SORCS3: variants seen among roughly 807,000 people sequenced by gnomAD.
The protein encoded by SORCS3 is sortilin related VPS10 domain containing receptor 3.
Under a neutral mutation model 146.3 loss-of-function variants are expected in SORCS3, and 57 were observed. The ratio of observed to expected loss-of-function variants is 0.39; its 90% CI spans 0.31 to 0.49. The LOEUF is 0.49. Ranked by LOEUF, SORCS3 falls within the 20% of genes least tolerant of loss-of-function variation. The probability of loss-of-function intolerance (pLI) is 0.92; values close to 1 mark genes in which losing one functional copy is unlikely to be tolerated. For missense variants in SORCS3, 1,341 were observed against 1,575.5 expected (o/e 0.85, Z 2.52); for synonymous variants, 653 against 618.5 (o/e 1.06, Z -0.83).
intron 1 of SORCS3, among the ~76,000 whole-genome samples, chr10:104,785,080 AC>A (rs759206919): frequency 0.02 from 2,468 of 122,858 alleles, 50 homozygotes; most frequent in African/African-American, 0.063. Flanking sequence ...AGGGGGGCTG[AC>A]CCCCCCCCAC....
chr10:104,814,003 A>G (rs980884420), intron 1 of SORCS3, among the ~76,000 whole-genome samples: 4 of 136,544 alleles, frequency 2.9e-5, no homozygotes, highest in Admixed American at 7.8e-5. Flanking sequence ...TTTTCCCCCT[A>G]TTCCAGAGTC....
intron 4 of SORCS3, among the ~76,000 whole-genome samples, chr10:104,984,356 T>G (rs1399855593): frequency 6.6e-6 from 1 of 152,222 alleles, no homozygotes; most frequent in African/African-American, 2.4e-5. Flanking sequence ...TATCACTTTC[T>G]GTACGATAAT....
chr10:104,748,499 G>GA (rs1216330246), intron 1 of SORCS3, among the ~76,000 whole-genome samples: 1 of 152,098 alleles, frequency 6.6e-6, no homozygotes, highest in Admixed American at 6.5e-5. Context: ...GGTATTTCAG[G>GA]AAAAAACTGA....
intron 5 of SORCS3, among the ~76,000 whole-genome samples, chr10:105,056,382 A>C (rs1364989424): frequency 6.6e-6 from 1 of 151,954 alleles, no homozygotes; most frequent in Non-Finnish European, 1.5e-5. Context: ...TTTGCCCCTC[A>C]CTCCCAGCAA....
chr10:104,865,365 G>A (rs2018448151), intron 2 of SORCS3, among the ~76,000 whole-genome samples: 1 of 152,184 alleles, frequency 6.6e-6, no homozygotes, highest in Non-Finnish European at 1.5e-5. Context: ...CTGATCCCTT[G>A]TCAATCTCTT....
intron 1 of SORCS3, among the ~76,000 whole-genome samples, chr10:104,682,160 C>G (rs17184095): frequency 0.059 from 9,006 of 152,260 alleles, 329 homozygotes; most frequent in Middle Eastern, 0.095. Context: ...CTTTCTGGTT[C>G]TCTTTTATTT....
chr10:105,120,399 G>A (rs1053978397), intron 7 of SORCS3, among the ~76,000 whole-genome samples: 7 of 152,222 alleles, frequency 4.6e-5, no homozygotes, highest in Middle Eastern at 3.4e-3. Context: ...TTCTCTTTGA[G>A]TAAGTCCATC....
At chr10:105,096,182 A>G (rs1175289187) in intron 6 of SORCS3, among the ~76,000 whole-genome samples, 2 of 151,918 alleles carry the variant, frequency 1.3e-5, no homozygotes, top group African/African-American at 2.4e-5. Flanking sequence ...GGGCCCCACC[A>G]CAAATCAATC....
At chr10:105,159,070 G>T in intron 11 of SORCS3, 76 bp downstream of exon 11, 3 of 1,040,332 alleles carry the variant, frequency 2.9e-6, no homozygotes, top group South Asian at 1.4e-5. Flanking sequence ...TTTGGATCAT[G>T]GACTCACTTG....
intron 1 of SORCS3, among the ~76,000 whole-genome samples, chr10:104,760,394 CTT>C (rs2017106166): frequency 2.6e-5 from 4 of 152,160 alleles, no homozygotes; most frequent in African/African-American, 9.7e-5. Context: ...AGAATTGCTT[CTT>C]AGGCAACCTC....
chr10:105,256,074 G>A (rs969642992), intron 24 of SORCS3, among the ~76,000 whole-genome samples: 2 of 152,050 alleles, frequency 1.3e-5, no homozygotes, highest in Admixed American at 6.6e-5. Flanking sequence ...AACCTTATTC[G>A]TTTGTTTGTT....
chr10:105,263,393 T>C lies in SORCS3; in HGVS notation c.*19T>C, dbSNP rs776438181. 6.2e-7 allele frequency: 1 copy of C among 1,612,352 alleles called. No individual in the cohort carries two copies. The highest frequency in any genetic ancestry group is 8.5e-7 in the Non-Finnish European group (1 of 1,178,550). On this transcript the variant is annotated 3_prime_UTR_variant, in exon 27 of 27. Transcript: ENST00000369701. ...TGTTTAATACCAGCAAGCCACGTGG[T>C]CAACCACCTTTCTGACTTTTTATTT...
intron 4 of SORCS3, among the ~76,000 whole-genome samples, chr10:105,013,239 A>G (rs1342989): frequency 0.3 from 45,373 of 151,948 alleles, 7,540 homozygotes; most frequent in African/African-American, 0.45. Context: ...GGAGATGAGT[A>G]CTTCTTTAAC....
intron 4 of SORCS3, among the ~76,000 whole-genome samples, chr10:105,036,148 C>A (rs1391235719): frequency 6.6e-6 from 1 of 152,136 alleles, no homozygotes; most frequent in Non-Finnish European, 1.5e-5. Flanking sequence ...TGTTAGGTTT[C>A]CAAACTTTTT....
chr10:105,204,024 AC>A (rs2056588113), intron 16 of SORCS3, among the ~76,000 whole-genome samples: 1 of 152,158 alleles, frequency 6.6e-6, no homozygotes, highest in African/African-American at 2.4e-5. Flanking sequence ...GTATTTCTGA[AC>A]CCTTCTTTAG....
At chr10:104,807,353 A>G (rs905613841) in intron 1 of SORCS3, among the ~76,000 whole-genome samples, 3 of 152,244 alleles carry the variant, frequency 2.0e-5, no homozygotes, top group African/African-American at 7.2e-5. Context: ...TGAGGAATTC[A>G]TGAACACCCA....
At chr10:105,118,376 T>C (rs977060681) in intron 7 of SORCS3, among the ~76,000 whole-genome samples, 13 of 152,124 alleles carry the variant, frequency 8.5e-5, no homozygotes, top group African/African-American at 2.9e-4. Context: ...CAAAGTGGAA[T>C]TGTGAGTCAA....
intron 20 of SORCS3, among the ~76,000 whole-genome samples, chr10:105,227,705 T>G (rs2119681660): frequency 6.6e-6 from 1 of 152,292 alleles, no homozygotes; most frequent in East Asian, 1.9e-4. Context: ...AATATTTGCT[T>G]TGTATATCTG....
intron 2 of SORCS3, among the ~76,000 whole-genome samples, chr10:104,875,165 A>G (rs1225354578): frequency 1.3e-5 from 2 of 152,206 alleles, no homozygotes; most frequent in Admixed American, 6.5e-5. Flanking sequence ...ATTACTTTGC[A>G]TGGAATCATG....
Sources: allele counts gnomAD v4.1 joint callset (sites outside exome capture counted in the v4.1 genomes callset), GRCh38; gene constraint gnomAD v4.1.1; transcripts MANE v1.5; gene names NCBI Gene and HGNC (gene_info 2026-07-23, HGNC 2026-07-21).